Variants in ANKRD44 observed in about 807,000 individuals in gnomAD.
ANKRD44 encodes the protein ankyrin repeat domain 44, also known as serine/threonine-protein phosphatase 6 regulatory ankyrin repeat subunit B.
In ANKRD44, 35 loss-of-function variants were observed where a neutral mutation model predicts 116.0. That is an observed-to-expected ratio of 0.30 (90% CI 0.23 to 0.40). The LOEUF is 0.40. Among genes scored for constraint, ANKRD44 ranks in the 10% least tolerant of loss-of-function variants. The pLI is 1.00. For synonymous variants in ANKRD44, 435 were observed against 461.8 expected, an observed-to-expected ratio of 0.94 and a Z score of 0.74; for missense variants, 1,014 against 1,242.6, an observed-to-expected ratio of 0.82 and a Z score of 2.77.
chr2:197,031,169 T>C (rs974632161), intron 16 of ANKRD44, among the ~76,000 whole-genome samples: 5 of 152,100 alleles, frequency 3.3e-5, no homozygotes, highest in African/African-American at 1.2e-4. Flanking sequence ...TATTTTCTTT[T>C]TTTTTTTTTA....
At position 197,110,753 on chromosome 2, in the gene ANKRD44, G is replaced by A. The variant is rs780074598; in HGVS notation, c.985+13C>T. 1 of 1,606,268 alleles carries A rather than the reference G, an allele frequency of 6.2e-7. No individual in the cohort carries two copies. Among genetic ancestry groups the A allele is most frequent in the South Asian group, 1.1e-5 (1 of 90,912 alleles). On this transcript the variant is annotated intron_variant, in intron 9 of 27. Coordinates refer to ENST00000282272, the MANE Select transcript of ANKRD44 (RefSeq NM_001195144.2). ...CTATCGAAATAATGACACTACTGAAGCATCTCTCTTACCATTCTGAATGAG... is the reference window on the plus strand; with the variant it reads ...CTATCGAAATAATGACACTACTGAAACATCTCTCTTACCATTCTGAATGAG...
intron 17 of ANKRD44, 133 bp downstream of exon 17, chr2:197,025,063 G>T: frequency 1.2e-6 from 1 of 805,608 alleles, no homozygotes; most frequent in Non-Finnish European, 2.0e-6. Context: ...CACAGCCTGT[G>T]CCTTTTACCA....
At chr2:197,003,382 T>C (rs1412550484) in intron 21 of ANKRD44, among the ~76,000 whole-genome samples, 1 of 152,050 alleles carries the variant, frequency 6.6e-6, no homozygotes, top group Non-Finnish European at 1.5e-5. Context: ...GAACCGTCAT[T>C]GAAATAGTCC....
At chr2:197,101,390 G>A (rs1385902692) in intron 9 of ANKRD44, among the ~76,000 whole-genome samples, 3 of 152,100 alleles carry the variant, frequency 2.0e-5, no homozygotes, top group Middle Eastern at 3.2e-3. Context: ...CGTGCTTCCC[G>A]CTCCATTTTC....
chr2:197,044,373 T>G (rs1004928753), intron 16 of ANKRD44, among the ~76,000 whole-genome samples: 11 of 152,154 alleles, frequency 7.2e-5, no homozygotes, highest in South Asian at 4.1e-4. Context: ...GTCAATTTTT[T>G]TTGTTGTTGT....
chr2:197,180,678 T>C (rs1039656217), intron 2 of ANKRD44, among the ~76,000 whole-genome samples: 13 of 152,322 alleles, frequency 8.5e-5, no homozygotes, highest in Middle Eastern at 3.4e-3. Flanking sequence ...TTTAAAAAGC[T>C]GGGCTACATA....
intron 10 of ANKRD44, among the ~76,000 whole-genome samples, chr2:197,093,031 A>G (rs2078077426): frequency 6.6e-6 from 1 of 152,098 alleles, no homozygotes; most frequent in African/African-American, 2.4e-5. Flanking sequence ...CTGAAAGAAT[A>G]TGCCTGGAAT....
intron 7 of ANKRD44, 31 bp downstream of exon 7, chr2:197,122,619 G>C (rs2125327713): frequency 6.2e-7 from 1 of 1,605,506 alleles, no homozygotes; most frequent in Non-Finnish European, 8.5e-7. Flanking sequence ...AAATACACTG[G>C]CCATGCATTG....
intron 2 of ANKRD44, among the ~76,000 whole-genome samples, chr2:197,168,481 A>G (rs1243201171): frequency 6.6e-6 from 1 of 152,082 alleles, no homozygotes; most frequent in Non-Finnish European, 1.5e-5. Context: ...GATTTATTAA[A>G]CCCCATCATC....
intron 6 of ANKRD44, among the ~76,000 whole-genome samples, chr2:197,123,016 G>A (rs2078893855): frequency 6.6e-6 from 1 of 152,200 alleles, no homozygotes; most frequent in Non-Finnish European, 1.5e-5. Context: ...ATTCATATGT[G>A]AGCCTTCTCT....
rs2075995713 is a variant in ANKRD44 at position 196,995,434 on chromosome 2, G to A, written c.2776C>T (p.Leu926Phe). ...KGHEKCALLILDKIQDESLIN... is the reference protein window; with the variant it reads ...KGHEKCALLIFDKIQDESLIN... The stretch of plus-strand genomic sequence containing the variant: ...AGGCTCTCGTCTTGTATCTTGTCAA[G>A]TATTAACAAGGCACATTTTTCATGA... The change falls in exon 26 of 28, where the codon CTT becomes TTT. Residue 926 changes from leucine (L) to phenylalanine (F), a missense_variant. By Grantham distance (22) the Leu-to-Phe change is conservative. Coordinates refer to ENST00000282272, the MANE Select transcript of ANKRD44 (RefSeq NM_001195144.2). 1.2e-6 allele frequency: 2 copies of A among 1,610,944 alleles called. No individual in the cohort carries two copies. Among genetic ancestry groups the A allele is most frequent in the Non-Finnish European group, 1.7e-6 (2 of 1,178,280 alleles).
intron 8 of ANKRD44, among the ~76,000 whole-genome samples, chr2:197,119,014 A>G (rs2078789676): frequency 6.6e-6 from 1 of 151,986 alleles, no homozygotes; most frequent in South Asian, 2.1e-4. Flanking sequence ...TTTTCTAGTA[A>G]TGATCACTTT....
At chr2:197,136,719 C>T (rs2579387) in intron 3 of ANKRD44, 57 bp from the exon 4 acceptor site, 1,349,670 of 1,471,094 alleles carry the variant, frequency 0.92, 628,698 homozygotes, top group East Asian at 0.98. Flanking sequence ...GCCCTGCCGA[C>T]GTTAAATCAA....
chr2:197,115,848 A>C (rs1048615510), intron 8 of ANKRD44, among the ~76,000 whole-genome samples: 8 of 152,192 alleles, frequency 5.3e-5, no homozygotes, highest in African/African-American at 1.9e-4. Flanking sequence ...AATCTGGAAT[A>C]ACTAAGGAGG....
intron 2 of ANKRD44, among the ~76,000 whole-genome samples, chr2:197,159,893 A>G (rs1440159057): frequency 6.6e-6 from 1 of 152,172 alleles, no homozygotes; most frequent in African/African-American, 2.4e-5. Context: ...TGCTCTCTCA[A>G]CACCACTAGG....
intron 21 of ANKRD44, among the ~76,000 whole-genome samples, chr2:196,969,723 A>C (rs905458659): frequency 1.3e-5 from 2 of 152,206 alleles, no homozygotes; most frequent in Non-Finnish European, 2.9e-5. Flanking sequence ...TTTGCAATAA[A>C]TATTTATTTT....
intron 21 of ANKRD44, among the ~76,000 whole-genome samples, chr2:197,002,495 G>C (rs541810875): frequency 6.6e-6 from 1 of 152,342 alleles, no homozygotes; most frequent in South Asian, 2.1e-4. Context: ...TATGTGATCT[G>C]AGGCAATTTA....
At chr2:197,077,614 A>G (rs1257253925) in intron 16 of ANKRD44, among the ~76,000 whole-genome samples, 1 of 152,194 alleles carries the variant, frequency 6.6e-6, no homozygotes, top group Non-Finnish European at 1.5e-5. Flanking sequence ...ATTCCAAAAT[A>G]GGAATACATA....
At chr2:197,157,528 A>C (rs1184392911) in intron 2 of ANKRD44, among the ~76,000 whole-genome samples, 1 of 152,046 alleles carries the variant, frequency 6.6e-6, no homozygotes, top group South Asian at 2.1e-4. Flanking sequence ...TACAAAAAAA[A>C]CTAGCCTGGC....
Sources: allele counts gnomAD v4.1 joint callset (sites outside exome capture counted in the v4.1 genomes callset), GRCh38; gene constraint gnomAD v4.1.1; transcripts MANE v1.5; gene names NCBI Gene and HGNC (gene_info 2026-07-23, HGNC 2026-07-21).